CREBZF: variants seen among roughly 807,000 people sequenced by gnomAD.
The protein encoded by CREBZF is HCF-binding transcription factor Zhangfei.
CREBZF carries 8 observed loss-of-function variants against 21.1 expected under a neutral mutation model. The ratio of observed to expected loss-of-function variants is 0.38; its 90% CI spans 0.22 to 0.68. The LOEUF is 0.68. Ranked by LOEUF, CREBZF falls within the 30% of genes least tolerant of loss-of-function variation. The probability of loss-of-function intolerance (pLI) is 0.51; values close to 1 mark genes in which losing one functional copy is unlikely to be tolerated. For missense variants in CREBZF, 518 were observed against 484.3 expected (o/e 1.07, Z -0.65); for synonymous variants, 270 against 223.3 (o/e 1.21, Z -1.86).
At chr11:85,675,927 T>C (rs1430530552) in intron 1 of CREBZF, among the ~76,000 whole-genome samples, 3 of 152,240 alleles carry the variant, frequency 2.0e-5, no homozygotes, top group African/African-American at 7.2e-5. Flanking sequence ...TTACAAGCAC[T>C]ACATACATAT....
intron 1 of CREBZF, among the ~76,000 whole-genome samples, chr11:85,673,744 T>C (rs1164081036): frequency 6.6e-6 from 1 of 152,240 alleles, no homozygotes; most frequent in Non-Finnish European, 1.5e-5. Context: ...ATGGGAGAAC[T>C]TCTTTCAGAA....
At position 85,663,988 on chromosome 11, in the gene CREBZF, G is replaced by A. The variant is rs2082768195; in HGVS notation, c.888C>T (p.Phe296=). The A allele has an allele frequency of 1.9e-6, 3 of 1,613,060 alleles. No individual in the cohort carries two copies. Among genetic ancestry groups the A allele is most frequent in the Non-Finnish European group, 2.5e-6 (3 of 1,179,940 alleles). The change falls in exon 1 of 1, where the codon TTC becomes TTT. Residue 296 remains phenylalanine, a synonymous_variant. Coordinates refer to ENST00000527447, the MANE Select transcript of CREBZF (RefSeq NM_001039618.4). Reference sequence around the variant, plus strand: ...CGTGGTCACCGGCGGGCGAGTCTCTGAAGAGCGAGGTGGTCAGCCGCAGTC... The same window carrying A: ...CGTGGTCACCGGCGGGCGAGTCTCTAAAGAGCGAGGTGGTCAGCCGCAGTC... The part of the protein sequence containing the change: ...GVGLRLTTSL[F]RDSPAGDHDY...
Position 85,663,612 on chromosome 11 carries a change from G to C in CREBZF, c.*199C>G. 1 of 1,560,660 alleles carries C rather than the reference G, an allele frequency of 6.4e-7. No individual in the cohort carries two copies. Among genetic ancestry groups the C allele is most frequent in the Non-Finnish European group, 8.7e-7 (1 of 1,152,070 alleles). The stretch of plus-strand genomic sequence containing the variant: ...CACCTAAAAAAGAAACTGTCAGAGA[G>C]ATTTAATAGTCACATGTTATCATTA... On this transcript the variant is annotated 3_prime_UTR_variant, in exon 1 of 1. Coordinates refer to ENST00000527447, the MANE Select transcript of CREBZF (RefSeq NM_001039618.4).
intron 1 of CREBZF, among the ~76,000 whole-genome samples, chr11:85,672,719 C>T (rs2082920206): frequency 2.0e-5 from 3 of 152,198 alleles, no homozygotes. Context: ...CGATGGCTGT[C>T]TTCACCTAGA....
At chr11:85,675,849 C>T (rs2082938800) in intron 1 of CREBZF, among the ~76,000 whole-genome samples, 1 of 152,120 alleles carries the variant, frequency 6.6e-6, no homozygotes, top group Non-Finnish European at 1.5e-5. Context: ...CATGAGGGGA[C>T]ATTAGGACTG....
At chr11:85,682,634 T>A in intron 1 of CREBZF, 1 of 179,522 alleles carries the variant, frequency 5.6e-6, no homozygotes, top group Non-Finnish European at 9.7e-6. Context: ...CCAGACGCGC[T>A]CTTCCCCCAT....
rs2082705373 is a variant in CREBZF, at chr11:85,662,157, A to T, written c.*1654T>A. 1 of 483,260 alleles carries T rather than the reference A, an allele frequency of 2.1e-6. No homozygotes were observed. Among genetic ancestry groups the T allele is most frequent in the African/African-American group, 1.9e-5 (1 of 51,336 alleles). 29.9% of individuals were successfully genotyped at this position (483,260 alleles called of 1,614,324 possible). ...TACAAAATATGCTGTGATGCACTGG[A>T]AACCAAAGACCAATTCAGGTCTCAA... is the stretch of plus-strand genomic sequence containing the variant. On this transcript the variant is annotated 3_prime_UTR_variant, in exon 1 of 1. Coordinates refer to ENST00000527447, the MANE Select transcript of CREBZF (RefSeq NM_001039618.4).
At chr11:85,679,399 G>A (rs1340505722) in intron 1 of CREBZF, among the ~76,000 whole-genome samples, 1 of 152,080 alleles carries the variant, frequency 6.6e-6, no homozygotes, top group Non-Finnish European at 1.5e-5. Flanking sequence ...ATAGTGTCTT[G>A]GCTAATAGAT....
At chr11:85,671,403 A>G (rs772493626) in intron 1 of CREBZF, among the ~76,000 whole-genome samples, 26 of 152,188 alleles carry the variant, frequency 1.7e-4, no homozygotes, top group Non-Finnish European at 2.9e-5. Context: ...CCCAAATCTC[A>G]TGTCCTCACA....
Position 85,664,600 on chromosome 11 carries a change from C to T in CREBZF, c.276G>A (p.Pro92=). ...AGTCCATATCCTCCGTCTCTTCCCC[C>T]GGGAGGCTGGCGATCGCCTCCTCCT... ...EMEEEAIASL[P]GEETEDMDFL... The change falls in exon 1 of 1, where the codon CCG becomes CCA. Residue 92 remains proline (P), a synonymous_variant. Coordinates refer to ENST00000527447, the MANE Select transcript of CREBZF (RefSeq NM_001039618.4). This position sits in a 1 kb window ranked among gnomAD's most constrained non-coding sequence, Gnocchi z 5.5. 2.5e-6 allele frequency: 4 copies of T among 1,613,810 alleles called. No homozygotes were observed. Among genetic ancestry groups the T allele is most frequent in the Non-Finnish European group, 3.4e-6 (4 of 1,179,928 alleles).
chr11:85,680,871 A>G (rs752328778), intron 1 of CREBZF, among the ~76,000 whole-genome samples: 7 of 152,242 alleles, frequency 4.6e-5, no homozygotes, highest in Non-Finnish European at 7.3e-5. Context: ...GATGTAGCAC[A>G]GAAGGCACTA....
In CREBZF at chr11:85,665,042, CAAGGCGCGGG is replaced by C. The variant is rs765188562; in HGVS notation, c.-177_-168del. 67 of 464,458 alleles carry C rather than the reference CAAGGCGCGGG, an allele frequency of 1.4e-4. No homozygotes were observed. The Admixed American group carries it at 1.5e-3, about 10-fold the overall frequency. 28.8% of individuals were successfully genotyped at this position (464,458 alleles called of 1,614,324 possible). On this transcript the variant is annotated 5_prime_UTR_variant, in exon 1 of 1. Coordinates refer to ENST00000527447, the MANE Select transcript of CREBZF (RefSeq NM_001039618.4). Reference sequence around the variant, plus strand: ...CACTTGGCTAGTCGACCCCCCGCGCCAAGGCGCGGGGAGGGACGGGAGAACGAAGCGGTGA... The same window carrying C: ...CACTTGGCTAGTCGACCCCCCGCGCCGAGGGACGGGAGAACGAAGCGGTGA...
chr11:85,662,508 G>GTATATATACGTATATACGTATATA lies in CREBZF; in HGVS notation c.*1302_*1303insTATATACGTATATACGTATATATA. The GTATATATACGTATATACGTATATA allele has an allele frequency of 1.4e-6, 1 of 694,368 alleles. No individual in the cohort carries two copies. The highest frequency in any genetic ancestry group is 2.1e-5 in the Admixed American group (1 of 46,538). 43.0% of individuals were successfully genotyped at this position (694,368 alleles called of 1,614,324 possible). ...GCTAAATACGTATATACTTTATCAA[G>GTATATATACGTATATACGTATATA]CAGTGATGTTTCACAAAGAATTTCT... On this transcript the variant is annotated 3_prime_UTR_variant, in exon 1 of 1. Transcript: ENST00000527447.
intron 1 of CREBZF, among the ~76,000 whole-genome samples, chr11:85,681,510 T>A (rs1429200764): frequency 6.6e-6 from 1 of 152,226 alleles, no homozygotes; most frequent in African/African-American, 2.4e-5. Flanking sequence ...AAGCTCTCTT[T>A]CATAATTTTT....
chr11:85,682,756 C>G (rs940529631), exon 1 of CREBZF: 1 of 700,348 alleles, frequency 1.4e-6, no homozygotes, highest in Non-Finnish European at 2.6e-6. Context: ...CGTCCGGCCT[C>G]TGCCCATGGG....
In CREBZF at chr11:85,659,766, A is replaced by G. The variant is rs2082622544; in HGVS notation, c.*4045T>C. On this transcript the variant is annotated 3_prime_UTR_variant, in exon 1 of 1. Transcript: ENST00000527447. ...AAAAAATATTTCAATTAAAACAACC[A>G]TATGCCACAAAAAGCCACTCCCATC... The G allele has an allele frequency of 6.6e-6, 1 of 151,906 alleles. No homozygotes were observed. Among genetic ancestry groups the G allele is most frequent in the African/African-American group, 2.4e-5 (1 of 41,286 alleles). 9.4% of individuals were successfully genotyped at this position (151,906 alleles called of 1,614,324 possible).
intron 1 of CREBZF, among the ~76,000 whole-genome samples, chr11:85,676,030 A>G (rs139812908): frequency 1.0e-3 from 157 of 152,350 alleles, no homozygotes; most frequent in African/African-American, 3.5e-3. Flanking sequence ...ACGCAACTGA[A>G]TGAGAATTAT....
At chr11:85,670,583 G>A (rs756942444) in intron 1 of CREBZF, among the ~76,000 whole-genome samples, 1 of 152,120 alleles carries the variant, frequency 6.6e-6, no homozygotes, top group South Asian at 2.1e-4. Context: ...TTACAGGCGT[G>A]AGCCACTGCA....
intron 1 of CREBZF, chr11:85,682,593 C>A: frequency 3.3e-5 from 15 of 459,888 alleles, no homozygotes; most frequent in South Asian, 6.7e-5. Context: ...CGCGCCCCTA[C>A]CCCCTGCCCT....
Sources: gnomAD v4.1 joint callset for allele counts (sites outside exome capture counted in the v4.1 genomes callset) on GRCh38, gnomAD v4.1.1 for gene constraint, Gnocchi (gnomAD v3.1) non-coding constraint, MANE v1.5 for transcripts, NCBI Gene and HGNC (gene_info 2026-07-23, HGNC 2026-07-21) for gene names.